PREX2: variants seen among roughly 807,000 people sequenced by gnomAD.
PREX2 encodes phosphatidylinositol-3,4,5-trisphosphate dependent Rac exchange factor 2.
In PREX2, 107 loss-of-function variants were observed where a neutral mutation model predicts 203.2. That is an observed-to-expected ratio of 0.53 (90% CI 0.45 to 0.62). The LOEUF is 0.62. PREX2 is among the 20% of genes least tolerant of loss of function. The probability of loss-of-function intolerance (pLI) is 0.00; values close to 1 mark genes in which losing one functional copy is unlikely to be tolerated. For missense variants in PREX2, 1,777 were observed against 1,955.9 expected (o/e 0.91, Z 1.72); for synonymous variants, 672 against 663.6 (o/e 1.01, Z -0.19).
At chr8:68,019,343 C>T (rs1049103787) in intron 2 of PREX2, among the ~76,000 whole-genome samples, 3 of 152,194 alleles carry the variant, frequency 2.0e-5, no homozygotes, top group East Asian at 3.9e-4. Flanking sequence ...CGAGGCCTTG[C>T]CCTGAGAGCC....
intron 35 of PREX2, among the ~76,000 whole-genome samples, chr8:68,190,501 C>G (rs1400425285): frequency 6.6e-6 from 1 of 152,062 alleles, no homozygotes; most frequent in Non-Finnish European, 1.5e-5. Flanking sequence ...AATTTAATAC[C>G]ATATGTTCCC....
intron 1 of PREX2, among the ~76,000 whole-genome samples, chr8:67,980,158 C>T (rs550446088): frequency 5.6e-4 from 86 of 152,260 alleles, no homozygotes; most frequent in African/African-American, 1.9e-3. Flanking sequence ...AAAGGTTTGG[C>T]ATATTCAGAA....
intron 1 of PREX2, among the ~76,000 whole-genome samples, chr8:67,966,985 C>T (rs1805795882): frequency 6.6e-6 from 1 of 152,136 alleles, no homozygotes; most frequent in South Asian, 2.1e-4. Context: ...AGTCTAAGTG[C>T]CTGGGAGAAT....
intron 6 of PREX2, among the ~76,000 whole-genome samples, chr8:68,037,101 C>T (rs1026486042): frequency 2.0e-5 from 3 of 151,900 alleles, no homozygotes; most frequent in African/African-American, 7.3e-5. Flanking sequence ...TACAATTGAC[C>T]AGAGAAACTA....
chr8:68,105,176 G>A, intron 23 of PREX2: 1 of 1,367,584 alleles, frequency 7.3e-7, no homozygotes, highest in Non-Finnish European at 9.8e-7. Flanking sequence ...TCACAGCACG[G>A]CATGCTGTCT....
intron 1 of PREX2, chr8:67,952,753 C>T (rs1402233962): frequency 3.0e-6 from 2 of 662,942 alleles, no homozygotes; most frequent in Non-Finnish European, 5.3e-6. Flanking sequence ...TTGCGGGGGC[C>T]TTGGAGACCT....
intron 1 of PREX2, among the ~76,000 whole-genome samples, chr8:67,961,469 A>G (rs975502624): frequency 1.3e-5 from 2 of 152,144 alleles, no homozygotes; most frequent in Admixed American, 1.3e-4. Flanking sequence ...TATTAGCTAT[A>G]TTAAAATCAT....
chr8:68,024,439 G>A lies in PREX2; in HGVS notation c.441+2299G>A, dbSNP rs143393057. ...TGAAATGGTCTTCTTTGTCCTTGTG[G>A]CATTTCTTTTGTTAAAGTCTATTTT... On this transcript the variant is annotated intron_variant, in intron 4 of 39. Transcript: ENST00000288368. 5.8e-3 allele frequency among the ~76,000 whole-genome samples: 883 copies of A among 151,872 alleles called. 7 individuals are homozygous for A. Among genetic ancestry groups the A allele is most frequent in the African/African-American group, 0.02 (839 of 41,442 alleles).
chr8:67,968,625 T>C lies in PREX2; in HGVS notation c.141+16090T>C, dbSNP rs188980914. ...TTTAAGGAGACCTTTCTGTGGCTCA[T>C]ACATCATAAAAGTTAAAAGGAAGTG... On this transcript the variant is annotated intron_variant, in intron 1 of 39. Transcript: ENST00000288368. 2.6e-3 allele frequency among the ~76,000 whole-genome samples: 389 copies of C among 152,352 alleles called. 1 individual carries two copies. Among genetic ancestry groups the C allele is most frequent in the Non-Finnish European group, 4.6e-3 (316 of 68,044 alleles).
intron 33 of PREX2, among the ~76,000 whole-genome samples, chr8:68,142,398 G>A (rs1811247188): frequency 6.6e-6 from 1 of 152,270 alleles, no homozygotes; most frequent in Non-Finnish European, 1.5e-5. Context: ...ACAGTAGGTA[G>A]CTTTTCAGAT....
intron 35 of PREX2, 40 bp downstream of exon 35, chr8:68,157,476 T>A (rs1811563738): frequency 9.3e-7 from 1 of 1,070,028 alleles, no homozygotes. Context: ...AGTGTCTATA[T>A]TTTGATAGAA....
chr8:68,090,745 G>T (rs753355537), intron 20 of PREX2, 30 bp downstream of exon 20: 1 of 1,596,168 alleles, frequency 6.3e-7, no homozygotes, highest in Non-Finnish European at 8.5e-7. Flanking sequence ...ATCTGGATCT[G>T]AGTGACTACT....
chr8:68,094,508 C>A (rs1318696322), intron 21 of PREX2, among the ~76,000 whole-genome samples: 2 of 152,156 alleles, frequency 1.3e-5, no homozygotes, highest in African/African-American at 4.8e-5. Flanking sequence ...CTGCAATTGA[C>A]AAATACCTTA....
chr8:67,997,794 A>G (rs1436353088), intron 1 of PREX2, among the ~76,000 whole-genome samples: 1 of 152,112 alleles, frequency 6.6e-6, no homozygotes, highest in Non-Finnish European at 1.5e-5. Flanking sequence ...ATATATTGTC[A>G]TAAAAAACAT....
intron 5 of PREX2, among the ~76,000 whole-genome samples, chr8:68,027,583 G>A (rs1451759596): frequency 6.6e-6 from 1 of 151,974 alleles, no homozygotes; most frequent in Admixed American, 6.6e-5. Context: ...AAATGCATTA[G>A]CTTCAAGATA....
intron 35 of PREX2, among the ~76,000 whole-genome samples, chr8:68,174,749 A>G (rs2129614307): frequency 6.6e-6 from 1 of 152,274 alleles, no homozygotes; most frequent in East Asian, 1.9e-4. Context: ...CAAAGCAGCT[A>G]CTAATAGATG....
chr8:68,039,805 T>G (rs1169914224), intron 7 of PREX2, among the ~76,000 whole-genome samples: 1 of 152,080 alleles, frequency 6.6e-6, no homozygotes, highest in African/African-American at 2.4e-5. Context: ...CTTACAAACA[T>G]CTCTCCACAT....
chr8:68,095,537 A>G (rs200623660), intron 21 of PREX2, among the ~76,000 whole-genome samples: 38,007 of 145,730 alleles, frequency 0.26, 4,840 homozygotes, highest in South Asian at 0.31. Flanking sequence ...ACATACATAT[A>G]TGTGTGTGTG....
intron 11 of PREX2, among the ~76,000 whole-genome samples, chr8:68,062,924 C>G (rs914816322): frequency 6.6e-6 from 1 of 152,156 alleles, no homozygotes; most frequent in East Asian, 1.9e-4. Context: ...AAATGCCTGG[C>G]ATTCCCATCC....
Sources: allele counts gnomAD v4.1 joint callset (sites outside exome capture counted in the v4.1 genomes callset), GRCh38; gene constraint gnomAD v4.1.1; transcripts MANE v1.5; gene names NCBI Gene and HGNC (gene_info 2026-07-23, HGNC 2026-07-21).